CFAP77: variants seen among roughly 807,000 people sequenced by gnomAD.
The protein encoded by CFAP77 is cilia and flagella associated protein 77.
In CFAP77, 25 loss-of-function variants were observed where a neutral mutation model predicts 31.1. The ratio of observed to expected loss-of-function variants is 0.80; its 90% CI spans 0.59 to 1.12. CFAP77 has a LOEUF of 1.12. Ranked by LOEUF, CFAP77 falls within the 50% of genes most tolerant of loss-of-function variation. The pLI is 0.00. For missense variants in CFAP77, 377 were observed against 397.3 expected, an observed-to-expected ratio of 0.95 and a Z score of 0.44; for synonymous variants, 151 against 159.9, an observed-to-expected ratio of 0.94 and a Z score of 0.42.
chr9:132,446,004 C>G (rs1015250238), intron 1 of CFAP77, among the ~76,000 whole-genome samples: 1 of 152,178 alleles, frequency 6.6e-6, no homozygotes, highest in East Asian at 1.9e-4. Context: ...CCGCTCTCCA[C>G]CTGCCTCTCA....
At chr9:132,534,187 C>G (rs1385600881) in intron 3 of CFAP77, among the ~76,000 whole-genome samples, 3 of 152,170 alleles carry the variant, frequency 2.0e-5, no homozygotes, top group African/African-American at 7.2e-5. Context: ...CCCCATCAGC[C>G]TCCACCTGAT....
intron 1 of CFAP77, among the ~76,000 whole-genome samples, chr9:132,436,964 C>G (rs787883): frequency 0.083 from 12,560 of 152,150 alleles, 679 homozygotes; most frequent in African/African-American, 0.14. Flanking sequence ...ATTTTCCCCC[C>G]ACCCCTACTT....
intron 5 of CFAP77, among the ~76,000 whole-genome samples, chr9:132,569,836 G>C (rs1026600542): frequency 2.0e-5 from 3 of 150,318 alleles, no homozygotes; most frequent in Non-Finnish European, 4.4e-5. Context: ...CCTGGGTTCA[G>C]GCGATTCTCC....
intron 1 of CFAP77, among the ~76,000 whole-genome samples, chr9:132,487,750 ACACT>A (rs886627740): frequency 1.3e-5 from 2 of 151,516 alleles, no homozygotes; most frequent in African/African-American, 2.4e-5. Context: ...TGTTCAACTG[ACACT>A]CACACAATGC....
chr9:132,469,720 C>T (rs999781104), intron 1 of CFAP77, among the ~76,000 whole-genome samples: 1 of 152,120 alleles, frequency 6.6e-6, no homozygotes, highest in Admixed American at 6.5e-5. Context: ...TCTCACTTAC[C>T]CTGACCCCAG....
intron 3 of CFAP77, among the ~76,000 whole-genome samples, chr9:132,519,685 T>G (rs1852229524): frequency 2.9e-5 from 2 of 67,824 alleles, no homozygotes; most frequent in African/African-American, 1.2e-4. Flanking sequence ...GATGGATGAG[T>G]GGGTGGGTGG....
At chr9:132,549,994 G>A (rs870595) in intron 5 of CFAP77, among the ~76,000 whole-genome samples, 37,034 of 152,210 alleles carry the variant, frequency 0.24, 4,610 homozygotes, top group East Asian at 0.31. Flanking sequence ...CTGAGGCAGA[G>A]ACAAAAGGAA....
At chr9:132,432,916 A>G (rs902608278) in intron 1 of CFAP77, among the ~76,000 whole-genome samples, 2 of 151,942 alleles carry the variant, frequency 1.3e-5, no homozygotes, top group South Asian at 4.2e-4. Flanking sequence ...GGGTTTCGCC[A>G]TGTTAGCCAG....
intron 1 of CFAP77, among the ~76,000 whole-genome samples, chr9:132,453,253 A>G (rs912402690): frequency 2.0e-5 from 3 of 152,206 alleles, no homozygotes; most frequent in Non-Finnish European, 4.4e-5. Context: ...GGCCGGGCGC[A>G]GTGGCTCACA....
chr9:132,453,213 T>G (rs1850856509), intron 1 of CFAP77, among the ~76,000 whole-genome samples: 1 of 152,032 alleles, frequency 6.6e-6, no homozygotes, highest in Non-Finnish European at 1.5e-5. Context: ...TTCCCAAATT[T>G]AACGTTCAGC....
At chr9:132,439,221 T>C (rs1168910299) in intron 1 of CFAP77, among the ~76,000 whole-genome samples, 1 of 152,144 alleles carries the variant, frequency 6.6e-6, no homozygotes, top group Non-Finnish European at 1.5e-5. Flanking sequence ...GAACATGATG[T>C]TTCACTCTGC....
chr9:132,457,262 A>C (rs1439870500), intron 1 of CFAP77, among the ~76,000 whole-genome samples: 2 of 127,882 alleles, frequency 1.6e-5, no homozygotes, highest in Admixed American at 1.8e-4. Flanking sequence ...CCACACTCAG[A>C]GCCCTAGGAA....
At chr9:132,436,305 C>T (rs1850502643) in intron 1 of CFAP77, among the ~76,000 whole-genome samples, 1 of 152,128 alleles carries the variant, frequency 6.6e-6, no homozygotes, top group Admixed American at 6.5e-5. Context: ...CACGTGGCCT[C>T]TCTCCTGTGT....
At chr9:132,571,827 G>A (rs552523342) in intron 5 of CFAP77, among the ~76,000 whole-genome samples, 6 of 151,888 alleles carry the variant, frequency 4.0e-5, no homozygotes, top group African/African-American at 1.4e-4. Flanking sequence ...CTGAGATACC[G>A]ATTGCACAAA....
chr9:132,549,537 G>A (rs183341711), intron 5 of CFAP77, among the ~76,000 whole-genome samples: 19 of 152,302 alleles, frequency 1.2e-4, no homozygotes, highest in Admixed American at 1.1e-3. Flanking sequence ...ACTTGCTACA[G>A]GGATGAAAGC....
intron 1 of CFAP77, among the ~76,000 whole-genome samples, chr9:132,482,928 T>C (rs146175536): frequency 0.049 from 7,165 of 147,380 alleles, 574 homozygotes; most frequent in African/African-American, 0.17. Context: ...ATTGTGCACA[T>C]GTACCCTAAA....
intron 1 of CFAP77, among the ~76,000 whole-genome samples, chr9:132,477,743 G>T (rs1359138548): frequency 6.6e-6 from 1 of 152,172 alleles, no homozygotes; most frequent in East Asian, 1.9e-4. Flanking sequence ...TGCCAAGGCA[G>T]GTGTCTAGGG....
intron 1 of CFAP77, among the ~76,000 whole-genome samples, chr9:132,443,250 T>C (rs1850647540): frequency 6.6e-6 from 1 of 151,934 alleles, no homozygotes; most frequent in Non-Finnish European, 1.5e-5. Context: ...TTTTTTGTTT[T>C]ATTTTTGTTT....
chr9:132,518,007 C>A (rs1320044704), intron 3 of CFAP77, among the ~76,000 whole-genome samples: 1 of 152,048 alleles, frequency 6.6e-6, no homozygotes, highest in African/African-American at 2.4e-5. Flanking sequence ...TGCTAGTGGG[C>A]GCGTCCGGTG....
Sources: allele counts gnomAD v4.1 joint callset (sites outside exome capture counted in the v4.1 genomes callset), GRCh38; gene constraint gnomAD v4.1.1; transcripts MANE v1.5; gene names NCBI Gene and HGNC (gene_info 2026-07-23, HGNC 2026-07-21).